The following CHIC2 variants were observed in gnomAD, a reference collection of about 807,000 sequenced individuals.
CHIC2 encodes cysteine-rich hydrophobic domain-containing protein 2.
In CHIC2, 14 loss-of-function variants were observed where a neutral mutation model predicts 25.9. The ratio of observed to expected loss-of-function variants is 0.54; its 90% CI spans 0.36 to 0.85. The LOEUF (loss-of-function observed/expected upper bound fraction) is 0.85, where lower values mean the gene tolerates loss of function less well. Among genes scored for constraint, CHIC2 ranks in the 40% least tolerant of loss-of-function variants. CHIC2 has a pLI of 0.01. For missense variants in CHIC2, 146 were observed against 202.0 expected, an observed-to-expected ratio of 0.72 and a Z score of 1.68; for synonymous variants, 70 against 72.0, an observed-to-expected ratio of 0.97 and a Z score of 0.14.
the CHIC2 span, chr4:54,087,384 T>C: frequency 1.8e-6 from 1 of 566,404 alleles, no homozygotes; most frequent in Non-Finnish European, 3.1e-6. Flanking sequence ...AAGCAAAATG[T>C]AGATGCAATT....
At chr4:54,045,129 A>G (rs546064672) in intron 3 of CHIC2, among the ~76,000 whole-genome samples, 72 of 152,344 alleles carry the variant, frequency 4.7e-4, no homozygotes, top group African/African-American at 1.7e-3. Flanking sequence ...TAGACCAATA[A>G]CAGGCTCTGA....
At chr4:54,051,442 T>C (rs1428402712) in intron 1 of CHIC2, among the ~76,000 whole-genome samples, 1 of 152,114 alleles carries the variant, frequency 6.6e-6, no homozygotes, top group Non-Finnish European at 1.5e-5. Context: ...ACAATCTTTA[T>C]TCATCCCCAG....
At chr4:54,074,081 CCG>C in the CHIC2 span, among the ~76,000 whole-genome samples, 1 of 152,002 alleles carries the variant, frequency 6.6e-6, no homozygotes, top group Admixed American at 6.5e-5. Context: ...TCGCTTGAAC[CCG>C]GGAGGCGGAG....
At chr4:54,050,591 A>C (rs770048523) in intron 1 of CHIC2, among the ~76,000 whole-genome samples, 1 of 152,138 alleles carries the variant, frequency 6.6e-6, no homozygotes, top group Non-Finnish European at 1.5e-5. Flanking sequence ...ACATACTAGA[A>C]GGTGGTCCCA....
At chr4:54,020,875 G>A (rs1198180365) in intron 3 of CHIC2, among the ~76,000 whole-genome samples, 1 of 152,094 alleles carries the variant, frequency 6.6e-6, no homozygotes, top group Non-Finnish European at 1.5e-5. Flanking sequence ...CAATTCACTG[G>A]TGTCTGATCA....
the CHIC2 span, among the ~76,000 whole-genome samples, chr4:54,072,327 A>G: frequency 1.3e-5 from 2 of 152,228 alleles, no homozygotes; most frequent in South Asian, 2.1e-4. Context: ...TATCTTTTAA[A>G]TCAACACCAT....
Position 54,064,539 on chromosome 4 carries a change from A to C in CHIC2, c.-239T>G, listed in dbSNP as rs886490504. 2 of 1,358,362 alleles carry C rather than the reference A, an allele frequency of 1.5e-6. No individual in the cohort carries two copies. Among genetic ancestry groups the C allele is most frequent in the African/African-American group, 3.1e-5 (2 of 65,102 alleles). 84.1% of individuals were successfully genotyped at this position (1,358,362 alleles called of 1,614,324 possible). On this transcript the variant is annotated 5_prime_UTR_variant, in exon 1 of 6. Coordinates refer to ENST00000263921, the MANE Select transcript of CHIC2 (RefSeq NM_012110.4). This position sits in a 1 kb window ranked among gnomAD's most constrained non-coding sequence, Gnocchi z 4.2. ...AACAACACAATGTCAACATCCGCCC[A>C]GAGGCCGACACCTCCACAAGCACAG...
At chr4:54,087,307 G>A in the CHIC2 span, 8 of 576,576 alleles carry the variant, frequency 1.4e-5, no homozygotes, top group Admixed American at 1.4e-4. Flanking sequence ...CTGAAGAATC[G>A]AAACCATGGC....
At chr4:54,040,703 C>CA (rs71200354) in intron 3 of CHIC2, among the ~76,000 whole-genome samples, 4,166 of 59,074 alleles carry the variant, frequency 0.071, 150 homozygotes, top group East Asian at 0.2. Flanking sequence ...AACTCTGTCT[C>CA]AAAAAAAAAA....
intron 3 of CHIC2, among the ~76,000 whole-genome samples, chr4:54,020,609 T>A (rs1715869182): frequency 6.6e-6 from 1 of 152,310 alleles, no homozygotes; most frequent in South Asian, 2.1e-4. Context: ...CCTCGGGTCC[T>A]CAGACCAACC....
At chr4:54,014,816 A>G (rs1715692229) in intron 3 of CHIC2, among the ~76,000 whole-genome samples, 1 of 152,172 alleles carries the variant, frequency 6.6e-6, no homozygotes, top group Non-Finnish European at 1.5e-5. Context: ...GCTTGAGAAT[A>G]TGAATAAAAG....
the CHIC2 span, among the ~76,000 whole-genome samples, chr4:54,080,164 A>ATATATATATATGTG: frequency 5.3e-4 from 79 of 148,214 alleles, no homozygotes; most frequent in African/African-American, 1.9e-3. Context: ...ATGTATGTGT[A>ATATATATATATGTG]TATATATATG....
At chr4:54,045,257 C>G (rs1457404044) in intron 3 of CHIC2, among the ~76,000 whole-genome samples, 3 of 152,180 alleles carry the variant, frequency 2.0e-5, no homozygotes, top group Admixed American at 6.5e-5. Context: ...TGAAATTATT[C>G]CAATCAATAG....
chr4:54,086,802 C>T, the CHIC2 span: 1 of 346,524 alleles, frequency 2.9e-6, no homozygotes, highest in Non-Finnish European at 5.3e-6. Flanking sequence ...ATTACAGAAT[C>T]TTGGATTGTA....
chr4:54,074,090 G>A, the CHIC2 span, among the ~76,000 whole-genome samples: 10 of 152,096 alleles, frequency 6.6e-5, no homozygotes, highest in South Asian at 1.0e-3. Context: ...CCCGGGAGGC[G>A]GAGGTTGCAG....
At chr4:54,063,151 ACT>A (rs2110096407) in intron 1 of CHIC2, among the ~76,000 whole-genome samples, 1 of 152,234 alleles carries the variant, frequency 6.6e-6, no homozygotes, top group Non-Finnish European at 1.5e-5. Context: ...CATCCCACTC[ACT>A]CTTCACCAAA....
chr4:54,043,239 G>A (rs1398525313), intron 3 of CHIC2, among the ~76,000 whole-genome samples: 1 of 152,078 alleles, frequency 6.6e-6, no homozygotes, highest in Non-Finnish European at 1.5e-5. Flanking sequence ...GCCTAACACA[G>A]TGAAAACCTG....
At chr4:54,011,474 T>C (rs1010820865) in intron 5 of CHIC2, among the ~76,000 whole-genome samples, 8 of 152,176 alleles carry the variant, frequency 5.3e-5, no homozygotes, top group African/African-American at 1.9e-4. Flanking sequence ...ATAAAAGCAT[T>C]GAACTAGATA....
At chr4:54,062,494 A>G (rs1045278451) in intron 1 of CHIC2, among the ~76,000 whole-genome samples, 24 of 152,062 alleles carry the variant, frequency 1.6e-4, no homozygotes, top group African/African-American at 5.8e-4. Flanking sequence ...ACCACTAATA[A>G]TTATTTTCTA....
Sources: allele counts gnomAD v4.1 joint callset (sites outside exome capture counted in the v4.1 genomes callset), GRCh38; gene constraint gnomAD v4.1.1; non-coding constraint Gnocchi (gnomAD v3.1); transcripts MANE v1.5; gene names NCBI Gene and HGNC (gene_info 2026-07-23, HGNC 2026-07-21).